TULP4: variants seen among roughly 807,000 people sequenced by gnomAD.
TULP4 encodes TUB like protein 4, also known as tubby-related protein 4.
A neutral mutation model predicts 129.0 loss-of-function variants in TULP4; 16 were observed. That is an observed-to-expected ratio of 0.12 (90% CI 0.08 to 0.19). TULP4 has a LOEUF of 0.19. TULP4 is among the 10% of genes least tolerant of loss of function. TULP4 has a pLI of 1.00. For synonymous variants in TULP4, 998 were observed against 854.0 expected (o/e 1.17, Z -2.94); for missense variants, 1,842 against 2,059.1 (o/e 0.89, Z 2.04).
At chr6:158,374,536 T>G (rs1777143864) in intron 1 of TULP4, among the ~76,000 whole-genome samples, 1 of 151,136 alleles carries the variant, frequency 6.6e-6, no homozygotes, top group Admixed American at 6.6e-5. Flanking sequence ...GGGGTTTTGC[T>G]TCTAGCCTGC....
intron 9 of TULP4, among the ~76,000 whole-genome samples, 158 bp downstream of exon 9, chr6:158,489,890 ATTTGT>A (rs1780160731): frequency 6.6e-6 from 1 of 152,134 alleles, no homozygotes; most frequent in Admixed American, 6.5e-5. Context: ...TACAACTTCT[ATTTGT>A]TTTGTTTTGT....
chr6:158,365,153 C>T (rs189973376), intron 1 of TULP4, among the ~76,000 whole-genome samples: 1 of 152,140 alleles, frequency 6.6e-6, no homozygotes, highest in African/African-American at 2.4e-5. Flanking sequence ...CTCCCCACCA[C>T]TCCTTCTAGC....
intron 1 of TULP4, among the ~76,000 whole-genome samples, chr6:158,263,169 C>G (rs952894738): frequency 6.6e-6 from 1 of 152,180 alleles, no homozygotes; most frequent in Non-Finnish European, 1.5e-5. Flanking sequence ...AGCCTTTCAG[C>G]AGCTTAGCAT....
intron 13 of TULP4, among the ~76,000 whole-genome samples, chr6:158,505,109 A>C (rs1780571317): frequency 6.6e-6 from 1 of 152,158 alleles, no homozygotes; most frequent in South Asian, 2.1e-4. Context: ...TATGGAAGTC[A>C]TTCCCCAGTT....
chr6:158,461,487 T>C (rs1229398126), intron 5 of TULP4, 76 bp from the exon 6 acceptor site: 1 of 1,424,286 alleles, frequency 7.0e-7, no homozygotes, highest in African/African-American at 1.4e-5. Context: ...TTTAAACTAC[T>C]GAAGACAGTA....
chr6:158,305,049 C>A (rs1210781546), intron 1 of TULP4, among the ~76,000 whole-genome samples: 1 of 152,074 alleles, frequency 6.6e-6, no homozygotes, highest in East Asian at 1.9e-4. Context: ...CTTCAGAACT[C>A]TTTTCATCTT....
chr6:158,506,320 C>T lies in TULP4; in HGVS notation c.4516-258C>T, dbSNP rs141501501. Among the ~76,000 whole-genome samples, 648 of 148,120 alleles carry T rather than the reference C, an allele frequency of 4.4e-3. 5 individuals are homozygous for T. The highest frequency in any genetic ancestry group is 0.015 in the African/African-American group (621 of 40,326). On this transcript the variant is annotated intron_variant, in intron 13 of 13. Transcript: ENST00000367097. ...AATCTCAGCTCACTGCAAGCTCCAC[C>T]TCCCAGGTTTACACCATTCTCCTGC...
chr6:158,236,115 T>A (rs1045476568), intron 1 of TULP4, among the ~76,000 whole-genome samples: 1 of 152,262 alleles, frequency 6.6e-6, no homozygotes, highest in Non-Finnish European at 1.5e-5. Context: ...TATATTCATT[T>A]ATAGGGCTCC....
At chr6:158,260,080 T>A (rs1266942321) in intron 1 of TULP4, among the ~76,000 whole-genome samples, 2 of 152,202 alleles carry the variant, frequency 1.3e-5, no homozygotes, top group Non-Finnish European at 2.9e-5. Context: ...GGGGTGGGAA[T>A]GGAAGTTCTG....
chr6:158,356,062 C>G (rs1032239582), intron 1 of TULP4, among the ~76,000 whole-genome samples: 3 of 152,112 alleles, frequency 2.0e-5, no homozygotes, highest in African/African-American at 7.2e-5. Flanking sequence ...TGTCAAAATT[C>G]GTTGAAAGGT....
chr6:158,284,897 G>A (rs755812842), intron 1 of TULP4, among the ~76,000 whole-genome samples: 35 of 152,130 alleles, frequency 2.3e-4, no homozygotes, highest in Middle Eastern at 6.4e-3. Context: ...TACCTCACAG[G>A]GTTTCTGTGG....
chr6:158,259,702 G>A (rs2128456664), intron 1 of TULP4, among the ~76,000 whole-genome samples: 1 of 152,356 alleles, frequency 6.6e-6, no homozygotes, highest in African/African-American at 2.4e-5. Flanking sequence ...TCTCATGGCA[G>A]ATACCAATTG....
At chr6:158,505,705 G>A (rs1256971365) in intron 13 of TULP4, among the ~76,000 whole-genome samples, 1 of 152,174 alleles carries the variant, frequency 6.6e-6, no homozygotes, top group African/African-American at 2.4e-5. Flanking sequence ...GAAGTGGCCA[G>A]CAAGTCCCTC....
chr6:158,329,334 T>C (rs1161453128), intron 1 of TULP4, among the ~76,000 whole-genome samples: 1 of 152,124 alleles, frequency 6.6e-6, no homozygotes, highest in Non-Finnish European at 1.5e-5. Context: ...CCTTTCTTTT[T>C]CCTCCCTGTA....
intron 3 of TULP4, among the ~76,000 whole-genome samples, chr6:158,443,048 A>G (rs554543555): frequency 1.4e-4 from 21 of 152,120 alleles, no homozygotes; most frequent in Non-Finnish European, 2.8e-4. Flanking sequence ...CAGTGGCGCA[A>G]TCTTGGCTCA....
intron 2 of TULP4, among the ~76,000 whole-genome samples, chr6:158,419,096 TAA>T (rs1476736023): frequency 1.3e-5 from 2 of 152,204 alleles, no homozygotes; most frequent in African/African-American, 4.8e-5. Flanking sequence ...GGTTGGAACA[TAA>T]AGTCAGTAAA....
At chr6:158,445,770 G>A (rs978297762) in intron 3 of TULP4, among the ~76,000 whole-genome samples, 5 of 152,190 alleles carry the variant, frequency 3.3e-5, no homozygotes, top group Non-Finnish European at 5.9e-5. Context: ...GCAGTCATGC[G>A]TTTCATCTTA....
At chr6:158,263,833 C>T (rs536711075) in intron 1 of TULP4, among the ~76,000 whole-genome samples, 2 of 152,084 alleles carry the variant, frequency 1.3e-5, no homozygotes, top group African/African-American at 2.4e-5. Context: ...GAGGCCTAGG[C>T]GGGCGGATCA....
chr6:158,354,700 C>A (rs1562532365), intron 1 of TULP4, among the ~76,000 whole-genome samples: 1 of 152,010 alleles, frequency 6.6e-6, no homozygotes, highest in Non-Finnish European at 1.5e-5. Flanking sequence ...TGAGTCTAGT[C>A]TGGGCAACGT....
Sources: allele counts gnomAD v4.1 joint callset (sites outside exome capture counted in the v4.1 genomes callset), GRCh38; gene constraint gnomAD v4.1.1; transcripts MANE v1.5; gene names NCBI Gene and HGNC (gene_info 2026-07-23, HGNC 2026-07-21).